The following BNIP2 variants were observed in gnomAD, a reference collection of about 807,000 sequenced individuals.
The protein encoded by BNIP2 is BCL2 interacting protein 2.
Under a neutral mutation model 43.4 loss-of-function variants are expected in BNIP2, and 36 were observed. The ratio of observed to expected loss-of-function variants is 0.83; its 90% CI spans 0.64 to 1.10. The LOEUF (loss-of-function observed/expected upper bound fraction) is 1.10. Ranked by LOEUF, BNIP2 falls within the 50% of genes least tolerant of loss-of-function variation. BNIP2 has a pLI of 0.00. For missense variants in BNIP2, 417 were observed against 374.1 expected, an observed-to-expected ratio of 1.11 and a Z score of -0.95; for synonymous variants, 146 against 121.0, an observed-to-expected ratio of 1.21 and a Z score of -1.35.
chr15:59,688,862 C>G (rs1162417062), intron 1 of BNIP2: 1 of 1,506,532 alleles, frequency 6.6e-7, no homozygotes, highest in Non-Finnish European at 8.8e-7. Context: ...AGGTTCCATC[C>G]CGAGCACAAC....
At chr15:59,679,795 T>C (rs1411385317) in intron 3 of BNIP2, 27 bp from the exon 4 acceptor site, 3 of 1,455,262 alleles carry the variant, frequency 2.1e-6, no homozygotes, top group Non-Finnish European at 1.8e-6. Context: ...AAGAAAAAGA[T>C]ACGTAACAAG....
At chr15:59,676,989 G>C (rs1893343387) in intron 5 of BNIP2, 6 of 1,613,576 alleles carry the variant, frequency 3.7e-6, no homozygotes, top group Middle Eastern at 1.7e-4. Flanking sequence ...GGTCTGCTTG[G>C]TTATCTCCAT....
At chr15:59,665,280 TAAAA>T (rs202241560) in intron 9 of BNIP2, 1 of 146,740 alleles carries the variant, frequency 6.8e-6, no homozygotes, top group Non-Finnish European at 1.5e-5. Context: ...ATAAATAAAA[TAAAA>T]AAAAAGAATT....
chr15:59,688,960 G>A (rs545573021), intron 1 of BNIP2, 175 bp downstream of exon 1: 1 of 1,441,878 alleles, frequency 6.9e-7, no homozygotes, highest in South Asian at 1.5e-5. Context: ...TAAGCAGGGC[G>A]GGGATCCAGG....
intron 5 of BNIP2, among the ~76,000 whole-genome samples, chr15:59,675,363 C>T (rs953805446): frequency 1.3e-5 from 2 of 152,012 alleles, no homozygotes; most frequent in African/African-American, 4.8e-5. Context: ...GTAATCCCAG[C>T]ACTTCAGGAG....
At chr15:59,666,333 T>C (rs1374141687) in intron 9 of BNIP2, among the ~76,000 whole-genome samples, 1 of 152,164 alleles carries the variant, frequency 6.6e-6, no homozygotes, top group Non-Finnish European at 1.5e-5. Flanking sequence ...TATCATGCAG[T>C]TGTCACCTTA....
intron 8 of BNIP2, 50 bp from the exon 9 acceptor site, chr15:59,669,040 T>C (rs1296289154): frequency 2.1e-6 from 3 of 1,442,272 alleles, no homozygotes; most frequent in Non-Finnish European, 2.9e-6. Flanking sequence ...ACAAATACAA[T>C]GGATACAATG....
In BNIP2 at chr15:59,669,365, G is replaced by A; in HGVS notation, c.708-3C>T. 2.0e-6 allele frequency: 3 copies of A among 1,484,464 alleles called. No individual in the cohort carries two copies. Among genetic ancestry groups the A allele is most frequent in the Non-Finnish European group, 2.7e-6 (3 of 1,114,140 alleles). 92.0% of individuals were successfully genotyped at this position (1,484,464 alleles called of 1,614,324 possible). Reference sequence around the variant, plus strand: ...GGGATTTTAGATTTTTCCGTAACCTGGAGTTTAAAAAAAAAACACACACAC... The same window carrying A: ...GGGATTTTAGATTTTTCCGTAACCTAGAGTTTAAAAAAAAAACACACACAC... On this transcript the variant is annotated splice_region_variant and splice_polypyrimidine_tract_variant and intron_variant, in intron 7 of 9. Transcript: ENST00000607373.
chr15:59,672,604 C>G (rs1217771933), intron 6 of BNIP2, 33 bp downstream of exon 6: 2 of 1,454,698 alleles, frequency 1.4e-6, no homozygotes, highest in African/African-American at 3.0e-5. Flanking sequence ...GCTCACAATT[C>G]TGTCCAAATG....
At chr15:59,681,449 A>ATTT (rs34488048) in intron 2 of BNIP2, among the ~76,000 whole-genome samples, 2 of 136,740 alleles carry the variant, frequency 1.5e-5, no homozygotes, top group African/African-American at 2.7e-5. Flanking sequence ...GAACCCACAA[A>ATTT]TTTTTTTTTT....
chr15:59,679,708 A>T lies in BNIP2; in HGVS notation c.179T>A (p.Leu60Gln), dbSNP rs757295980. 1 of 1,601,062 alleles carries T rather than the reference A, an allele frequency of 6.2e-7. No individual in the cohort carries two copies. Among genetic ancestry groups the T allele is most frequent in the Non-Finnish European group, 8.5e-7 (1 of 1,175,398 alleles). Residue 60 changes from leucine to glutamine, a missense_variant, in exon 4 of 10, where the codon CTG becomes CAG. By Grantham distance (113) the Leu-to-Gln change is moderately radical. Coordinates refer to ENST00000607373, the MANE Select transcript of BNIP2 (RefSeq NM_004330.4). ...AGAGCCATCACTAGGATCCAGTGTCAGGCTAATGTCTGGAGCCATTAGTTT... is the reference window on the plus strand; with the variant it reads ...AGAGCCATCACTAGGATCCAGTGTCTGGCTAATGTCTGGAGCCATTAGTTT... ...RKKLMAPDIS[L>Q]TLDPSDGSVL...
At chr15:59,668,815 G>C (rs558459526) in intron 9 of BNIP2, 77 bp downstream of exon 9, 22 of 1,196,826 alleles carry the variant, frequency 1.8e-5, no homozygotes, top group Admixed American at 1.8e-4. Context: ...CATAAAGAAT[G>C]AGTATTGAAA....
At chr15:59,686,367 C>G (rs191814151) in intron 1 of BNIP2, among the ~76,000 whole-genome samples, 1 of 152,098 alleles carries the variant, frequency 6.6e-6, no homozygotes, top group Admixed American at 6.5e-5. Context: ...TTGGGCAACA[C>G]AGTGAGATCT....
chr15:59,680,031 C>T (rs1405853588), intron 3 of BNIP2, among the ~76,000 whole-genome samples: 4 of 152,138 alleles, frequency 2.6e-5, no homozygotes, highest in East Asian at 3.9e-4. Context: ...TCCTCCACCC[C>T]TTTACTGTAA....
chr15:59,687,358 T>C (rs1351736270), intron 1 of BNIP2, among the ~76,000 whole-genome samples: 13 of 151,226 alleles, frequency 8.6e-5, no homozygotes, highest in Admixed American at 4.6e-4. Flanking sequence ...CATCCTTTTT[T>C]TTTTTTTTTT....
rs1212684005 is a variant in BNIP2 at position 59,661,485 on chromosome 15, CAT to C, written c.*2582_*2583del. 1 of 152,174 alleles carries C rather than the reference CAT, an allele frequency of 6.6e-6. No individual in the cohort carries two copies. Among genetic ancestry groups the C allele is most frequent in the Non-Finnish European group, 1.5e-5 (1 of 68,046 alleles). 9.4% of individuals were successfully genotyped at this position (152,174 alleles called of 1,614,324 possible). A position where few individuals can be genotyped will look rare whatever the true frequency, so the allele number is the denominator to read the frequency against. On this transcript the variant is annotated 3_prime_UTR_variant, in exon 10 of 10. Coordinates refer to ENST00000607373, the MANE Select transcript of BNIP2 (RefSeq NM_004330.4). Reference sequence around the variant, plus strand: ...GACCCTACTTAGAATCATATTTCTTCATATCTCCCTCTGAGTTAAAGATTGTT... The same window carrying C: ...GACCCTACTTAGAATCATATTTCTTCATCTCCCTCTGAGTTAAAGATTGTT...
chr15:59,673,706 AG>A (rs1174254983), intron 5 of BNIP2, among the ~76,000 whole-genome samples: 1 of 152,218 alleles, frequency 6.6e-6, no homozygotes, highest in African/African-American at 2.4e-5. Flanking sequence ...ACTGGGCATG[AG>A]CCACATCGCC....
intron 3 of BNIP2, 54 bp downstream of exon 3, chr15:59,680,187 T>C: frequency 7.4e-7 from 1 of 1,350,090 alleles, no homozygotes; most frequent in Non-Finnish European, 9.9e-7. Context: ...AAACGTGTTT[T>C]AAAAAATAAC....
intron 4 of BNIP2, 29 bp from the exon 5 acceptor site, chr15:59,678,116 A>T (rs1893427313): frequency 6.3e-7 from 1 of 1,581,160 alleles, no homozygotes; most frequent in Non-Finnish European, 8.6e-7. Context: ...TTTGAATCAC[A>T]AATTGTTACA....
Sources: gnomAD v4.1 joint callset for allele counts (sites outside exome capture counted in the v4.1 genomes callset) on GRCh38, gnomAD v4.1.1 for gene constraint, MANE v1.5 for transcripts, NCBI Gene and HGNC (gene_info 2026-07-23, HGNC 2026-07-21) for gene names.